COL19A1: variants seen among roughly 807,000 people sequenced by gnomAD.
The protein encoded by COL19A1 is collagen alpha-1(XIX) chain.
Under a neutral mutation model 190.2 loss-of-function variants are expected in COL19A1, and 159 were observed. The observed-to-expected ratio is 0.84, with a 90% CI of 0.73 to 0.95. COL19A1 has a LOEUF of 0.95. COL19A1 is among the 40% of genes least tolerant of loss of function. The probability of loss-of-function intolerance (pLI) is 0.00; values close to 1 mark genes in which losing one functional copy is unlikely to be tolerated. For synonymous variants in COL19A1, 509 were observed against 458.9 expected, an observed-to-expected ratio of 1.11 and a Z score of -1.39; for missense variants, 1,418 against 1,431.9, an observed-to-expected ratio of 0.99 and a Z score of 0.16.
In COL19A1 at chr6:70,006,775, A is replaced by G. The variant is rs576862996; in HGVS notation, c.1027-16852A>G. 8.5e-5 allele frequency among the ~76,000 whole-genome samples: 13 copies of G among 152,252 alleles called. No individual in the cohort carries two copies. The East Asian group carries it at 1.5e-3, about 18-fold the overall frequency. Reference sequence around the variant, plus strand: ...CACTACACTGTTACATTTATAGGATATGAATATATTATATATGATATCAAT... The same window carrying G: ...CACTACACTGTTACATTTATAGGATGTGAATATATTATATATGATATCAAT... On this transcript the variant is annotated intron_variant, in intron 11 of 50. Coordinates refer to ENST00000620364, the MANE Select transcript of COL19A1 (RefSeq NM_001858.6).
At chr6:69,913,651 A>G (rs544992592) in intron 4 of COL19A1, among the ~76,000 whole-genome samples, 3 of 152,312 alleles carry the variant, frequency 2.0e-5, no homozygotes, top group East Asian at 3.9e-4. Context: ...GTTAATGAAC[A>G]CAGGTGAGAA....
chr6:70,073,241 G>A (rs1313470815), intron 15 of COL19A1, among the ~76,000 whole-genome samples: 1 of 152,010 alleles, frequency 6.6e-6, no homozygotes, highest in Non-Finnish European at 1.5e-5. Context: ...ACGCTCCTTG[G>A]CCTACCAAAG....
intron 48 of COL19A1, among the ~76,000 whole-genome samples, chr6:70,194,490 A>G (rs146596371): frequency 6.6e-6 from 1 of 152,294 alleles, no homozygotes; most frequent in African/African-American, 2.4e-5. Flanking sequence ...ATCACTATGC[A>G]CAAATATATA....
chr6:70,198,781 A>T (rs1249032530), intron 48 of COL19A1, among the ~76,000 whole-genome samples: 5 of 152,164 alleles, frequency 3.3e-5, no homozygotes, highest in Non-Finnish European at 7.4e-5. Flanking sequence ...ATTATCTCAC[A>T]TTTTTTATGG....
chr6:70,181,360 G>A (rs1022411014), intron 44 of COL19A1, among the ~76,000 whole-genome samples: 1 of 152,132 alleles, frequency 6.6e-6, no homozygotes, highest in African/African-American at 2.4e-5. Flanking sequence ...CTGAATTATG[G>A]TTGAAAGGAT....
chr6:70,165,293 C>G (rs1040639797), intron 36 of COL19A1, among the ~76,000 whole-genome samples: 2 of 152,182 alleles, frequency 1.3e-5, no homozygotes, highest in African/African-American at 4.8e-5. Flanking sequence ...TTCACAAATT[C>G]TATTTTCAGT....
At chr6:69,923,235 T>C (rs1162352194) in intron 4 of COL19A1, among the ~76,000 whole-genome samples, 2 of 152,168 alleles carry the variant, frequency 1.3e-5, no homozygotes. Flanking sequence ...AAACTTTGAA[T>C]CTCAGTAAGA....
chr6:69,986,600 A>G (rs1327821533), intron 11 of COL19A1, among the ~76,000 whole-genome samples: 1 of 152,196 alleles, frequency 6.6e-6, no homozygotes. Context: ...GTGCAAACCT[A>G]TACACATAAT....
intron 49 of COL19A1, among the ~76,000 whole-genome samples, chr6:70,205,917 GT>G (rs763440789): frequency 1.1e-4 from 17 of 152,130 alleles, no homozygotes; most frequent in Non-Finnish European, 1.9e-4. Flanking sequence ...CTCCTCTCTT[GT>G]TTCCTAGCTT....
chr6:70,105,747 C>T (rs1030024541), intron 16 of COL19A1, among the ~76,000 whole-genome samples: 5 of 152,118 alleles, frequency 3.3e-5, no homozygotes, highest in African/African-American at 9.7e-5. Flanking sequence ...GTATATACCT[C>T]GCCCCAGTGG....
chr6:69,908,720 G>C (rs1004363655), intron 4 of COL19A1, among the ~76,000 whole-genome samples: 1 of 152,066 alleles, frequency 6.6e-6, no homozygotes, highest in Non-Finnish European at 1.5e-5. Context: ...TCAAATTTAA[G>C]TAAGTTGTGA....
chr6:70,037,490 T>C (rs1307658840), intron 14 of COL19A1, among the ~76,000 whole-genome samples: 1 of 152,206 alleles, frequency 6.6e-6, no homozygotes, highest in Non-Finnish European at 1.5e-5. Flanking sequence ...AAAAATTATT[T>C]AGCAGTGATT....
At chr6:69,954,065 G>T (rs772721935) in intron 9 of COL19A1, among the ~76,000 whole-genome samples, 25 of 151,968 alleles carry the variant, frequency 1.6e-4, no homozygotes, top group Non-Finnish European at 3.4e-4. Flanking sequence ...GAACCTGTTA[G>T]GGAAGACTAG....
chr6:70,203,824 CT>C (rs1302577735), intron 49 of COL19A1, among the ~76,000 whole-genome samples: 1 of 151,952 alleles, frequency 6.6e-6, no homozygotes, highest in African/African-American at 2.4e-5. Flanking sequence ...ATTTGTTTTC[CT>C]ACATGAGCTG....
chr6:69,960,042 TAA>T lies in COL19A1; in HGVS notation c.981+4_981+5del, dbSNP rs747440633. 27 of 1,611,926 alleles carry T rather than the reference TAA, an allele frequency of 1.7e-5. No individual in the cohort carries two copies. Among genetic ancestry groups the T allele is most frequent in the Non-Finnish European group, 2.2e-5 (26 of 1,179,100 alleles). ...GCTCCAGGATTCCCTGGTCAAAAGG[TAA>T]AGAGTTCTTGAATGTTTCATCTGAG... On this transcript the variant is annotated splice_donor_region_variant and intron_variant, in intron 10 of 50. Coordinates refer to ENST00000620364, the MANE Select transcript of COL19A1 (RefSeq NM_001858.6).
chr6:70,207,126 AT>A lies in COL19A1; in HGVS notation c.3302-11del, dbSNP rs3215860. The A allele has an allele frequency of 0.38, 586,808 of 1,562,616 alleles. 108,806 individuals carry two copies. The highest frequency in any genetic ancestry group is 0.45 in the Middle Eastern group (2,619 of 5,866). ...AGGGCCATATGTGATCTGCATTGTA[AT>A]TTTTTTTTTATGTCGTTAGCTCTGG... On this transcript the variant is annotated intron_variant, in intron 50 of 50. Transcript: ENST00000620364.
intron 49 of COL19A1, 85 bp from the exon 50 acceptor site, chr6:70,206,816 A>G: frequency 8.8e-7 from 1 of 1,139,292 alleles, no homozygotes; most frequent in Non-Finnish European, 1.3e-6. Flanking sequence ...CATAATTATC[A>G]CAGACTCAGA....
At chr6:69,896,303 C>T (rs368403848) in intron 2 of COL19A1, among the ~76,000 whole-genome samples, 2 of 150,950 alleles carry the variant, frequency 1.3e-5, no homozygotes, top group African/African-American at 4.9e-5. Context: ...TTTGGGAGGC[C>T]GAGGCGGGTG....
chr6:70,087,597 A>T (rs1350872137), intron 15 of COL19A1, among the ~76,000 whole-genome samples: 3 of 152,152 alleles, frequency 2.0e-5, no homozygotes, highest in Admixed American at 6.5e-5. Context: ...AAGGGCCCTC[A>T]TTTGTCTGTT....
Sources: allele counts gnomAD v4.1 joint callset (sites outside exome capture counted in the v4.1 genomes callset), GRCh38; gene constraint gnomAD v4.1.1; transcripts MANE v1.5; gene names NCBI Gene and HGNC (gene_info 2026-07-23, HGNC 2026-07-21).